AGAP3: variants seen among roughly 807,000 people sequenced by gnomAD.
AGAP3 encodes arf-GAP with GTPase, ANK repeat and PH domain-containing protein 3.
AGAP3 carries 24 observed loss-of-function variants against 96.9 expected under a neutral mutation model. That is an observed-to-expected ratio of 0.25 (90% CI 0.18 to 0.35). The LOEUF is 0.35. Among genes scored for constraint, AGAP3 ranks in the 10% least tolerant of loss-of-function variants. The probability of loss-of-function intolerance (pLI) is 1.00; values close to 1 mark genes in which losing one functional copy is unlikely to be tolerated. For missense variants in AGAP3, 876 were observed against 1,254.2 expected (o/e 0.70, Z 4.55); for synonymous variants, 563 against 536.1 (o/e 1.05, Z -0.69).
chr7:151,128,412 T>C, intron 9 of AGAP3, 168 bp from the exon 10 acceptor site: 1 of 595,822 alleles, frequency 1.7e-6, no homozygotes, highest in Non-Finnish European at 3.0e-6. Context: ...AGGACTGGTC[T>C]AAGGGGCCTT....
chr7:151,101,033 G>T (rs1798815009), intron 1 of AGAP3, among the ~76,000 whole-genome samples: 1 of 152,116 alleles, frequency 6.6e-6, no homozygotes, highest in Admixed American at 6.5e-5. Flanking sequence ...CCATGGCCTG[G>T]AGCAGCCGCC....
chr7:151,133,023 C>CAGGGT lies in AGAP3; in HGVS notation c.1327-1373_1327-1369dup, dbSNP rs1305559330. ...CGGTAAAGGTGAAGGCCGGGCTCCT[C>CAGGGT]AGGGTAGGAGGAGCGCGTCTGGGAA... On this transcript the variant is annotated intron_variant, in intron 10 of 17. Transcript: ENST00000397238. The surrounding 1 kb of genome is among the most constrained non-coding windows in gnomAD (Gnocchi z 5.4). Among the ~76,000 whole-genome samples, 1 of 152,158 alleles carries CAGGGT rather than the reference C, an allele frequency of 6.6e-6. No individual in the cohort carries two copies. The highest frequency in any genetic ancestry group is 1.5e-5 in the Non-Finnish European group (1 of 68,006).
chr7:151,122,840 G>A (rs1210328999), intron 8 of AGAP3: 8 of 1,610,490 alleles, frequency 5.0e-6, no homozygotes, highest in Admixed American at 3.4e-5. Context: ...GTGCGGGGCC[G>A]GAGGCGGGCC....
chr7:151,087,105 C>T (rs1055992976), intron 1 of AGAP3, 33 bp downstream of exon 1: 3 of 1,563,184 alleles, frequency 1.9e-6, no homozygotes, highest in African/African-American at 1.4e-5. Context: ...GGAGCCGGGG[C>T]GCAGTGGCCT....
At chr7:151,123,484 C>T in intron 8 of AGAP3, 1 of 1,197,288 alleles carries the variant, frequency 8.4e-7, no homozygotes, top group African/African-American at 1.6e-5. Flanking sequence ...CACCGTCCAC[C>T]TCCTCGCCCC....
intron 1 of AGAP3, among the ~76,000 whole-genome samples, chr7:151,109,483 T>G (rs951867524): frequency 2.0e-5 from 3 of 152,286 alleles, no homozygotes; most frequent in African/African-American, 7.2e-5. Flanking sequence ...GTCGATGCCG[T>G]CTTCTCCCTG....
At chr7:151,089,035 C>T (rs887885434) in intron 1 of AGAP3, among the ~76,000 whole-genome samples, 1 of 152,100 alleles carries the variant, frequency 6.6e-6, no homozygotes, top group African/African-American at 2.4e-5. Flanking sequence ...TGTTCCCACT[C>T]CTGGGCCCTG....
At chr7:151,123,008 G>A in intron 8 of AGAP3, 1 of 1,400,376 alleles carries the variant, frequency 7.1e-7, no homozygotes, top group South Asian at 1.6e-5. Context: ...GGACGCTGCA[G>A]GCTCGCTGCA....
chr7:151,119,946 C>T (rs751862435), intron 7 of AGAP3, 41 bp from the exon 8 acceptor site: 4 of 1,607,050 alleles, frequency 2.5e-6, no homozygotes, highest in Non-Finnish European at 3.4e-6. Flanking sequence ...CCGTCCCGCC[C>T]CTGACCCGGA....
intron 1 of AGAP3, among the ~76,000 whole-genome samples, chr7:151,087,426 C>G (rs13225215): frequency 6.6e-6 from 1 of 151,918 alleles, no homozygotes; most frequent in South Asian, 2.1e-4. Context: ...GGCTTCTTAG[C>G]CGCTGCCCGG....
intron 1 of AGAP3, among the ~76,000 whole-genome samples, chr7:151,104,019 C>A (rs1357099314): frequency 1.3e-5 from 2 of 152,174 alleles, no homozygotes; most frequent in Non-Finnish European, 2.9e-5. Context: ...GGCGTGAGGA[C>A]TGGGTCTCTC....
At chr7:151,138,788 C>T (rs1416396088) in intron 12 of AGAP3, among the ~76,000 whole-genome samples, 1 of 152,196 alleles carries the variant, frequency 6.6e-6, no homozygotes, top group South Asian at 2.1e-4. Flanking sequence ...GTTCCGAAGG[C>T]AGCAGCATCT....
At chr7:151,105,490 T>C (rs1239928099) in intron 1 of AGAP3, among the ~76,000 whole-genome samples, 1 of 151,562 alleles carries the variant, frequency 6.6e-6, no homozygotes, top group African/African-American at 2.4e-5. Context: ...TCATGGTGGC[T>C]CACACCTGTA....
In AGAP3 at chr7:151,087,215, C is replaced by G. The variant is rs1379268988; in HGVS notation, c.331+143C>G. The G allele has an allele frequency of 1.0e-5, 9 of 893,122 alleles. No individual in the cohort carries two copies. The South Asian group carries it at 1.2e-4, about 12-fold the overall frequency. 55.3% of individuals were successfully genotyped at this position (893,122 alleles called of 1,614,324 possible). A position where few individuals can be genotyped will look rare whatever the true frequency, so the allele number is the denominator to read the frequency against. On this transcript the variant is annotated intron_variant, in intron 1 of 17. Coordinates refer to ENST00000397238, the MANE Select transcript of AGAP3 (RefSeq NM_031946.7). The stretch of plus-strand genomic sequence containing the variant: ...GGACCAGGCCACGAGGTTTGCCGAT[C>G]TGTGTTGCAGAACCGGCGGGCAGCT...
At chr7:151,128,166 C>G (rs1014000076) in intron 9 of AGAP3, among the ~76,000 whole-genome samples, 1 of 152,130 alleles carries the variant, frequency 6.6e-6, no homozygotes, top group Non-Finnish European at 1.5e-5. Flanking sequence ...ACCCTTGGAG[C>G]CTCCTGGGGA....
chr7:151,123,916 G>A (rs1800043159), intron 9 of AGAP3, 30 bp downstream of exon 9: 2 of 1,594,428 alleles, frequency 1.3e-6, no homozygotes, highest in East Asian at 2.2e-5. Flanking sequence ...TGTGCTCCAG[G>A]GCTCAGAATG....
At chr7:151,089,080 T>A (rs1237548449) in intron 1 of AGAP3, among the ~76,000 whole-genome samples, 2 of 150,086 alleles carry the variant, frequency 1.3e-5, no homozygotes, top group Non-Finnish European at 3.0e-5. Context: ...CCCTCCCCCC[T>A]GCCCAGCCTC....
At chr7:151,137,975 G>A in intron 11 of AGAP3, 168 bp from the exon 12 acceptor site, 1 of 608,100 alleles carries the variant, frequency 1.6e-6, no homozygotes, top group Non-Finnish European at 2.9e-6. Flanking sequence ...GGCACACAGG[G>A]TCCCTGCGCA....
intron 1 of AGAP3, among the ~76,000 whole-genome samples, chr7:151,100,393 G>A (rs1018548179): frequency 3.9e-5 from 6 of 152,192 alleles, no homozygotes; most frequent in East Asian, 1.9e-4. Flanking sequence ...GTCCTGAGCC[G>A]TACAGCAGCC....
Sources: gnomAD v4.1 joint callset for allele counts (sites outside exome capture counted in the v4.1 genomes callset) on GRCh38, gnomAD v4.1.1 for gene constraint, Gnocchi (gnomAD v3.1) non-coding constraint, MANE v1.5 for transcripts, NCBI Gene and HGNC (gene_info 2026-07-23, HGNC 2026-07-21) for gene names.